Variants in KLHDC10 observed in about 807,000 individuals in gnomAD.
KLHDC10 encodes the protein kelch domain-containing protein 10.
KLHDC10 carries 24 observed loss-of-function variants against 56.1 expected under a neutral mutation model. The observed-to-expected ratio is 0.43, with a 90% CI of 0.31 to 0.60. KLHDC10 has a LOEUF of 0.60. Ranked by LOEUF, KLHDC10 falls within the 20% of genes least tolerant of loss-of-function variation. The pLI is 0.11. For missense variants in KLHDC10, 349 were observed against 567.0 expected (o/e 0.62, Z 3.91); for synonymous variants, 188 against 207.1 (o/e 0.91, Z 0.79).
At chr7:130,115,442 G>A (rs7805851) in intron 2 of KLHDC10, among the ~76,000 whole-genome samples, 24,375 of 151,766 alleles carry the variant, frequency 0.16, 2,333 homozygotes, top group East Asian at 0.31. Context: ...GAGACCGGGT[G>A]CAGTAGCTCG....
intron 1 of KLHDC10, among the ~76,000 whole-genome samples, chr7:130,086,423 A>G (rs1795690558): frequency 6.6e-6 from 1 of 152,222 alleles, no homozygotes; most frequent in Non-Finnish European, 1.5e-5. Context: ...GTAAAATCAA[A>G]TCGTATGCAA....
intron 3 of KLHDC10, among the ~76,000 whole-genome samples, chr7:130,119,628 G>T (rs1796220678): frequency 1.3e-5 from 2 of 150,622 alleles, no homozygotes; most frequent in South Asian, 4.2e-4. Context: ...TGGATCACCT[G>T]AGGTCAGGAG....
intron 1 of KLHDC10, among the ~76,000 whole-genome samples, chr7:130,094,386 T>G (rs1295760340): frequency 6.6e-6 from 1 of 152,222 alleles, no homozygotes; most frequent in African/African-American, 2.4e-5. Flanking sequence ...GGTATGTTTC[T>G]TTCCAGTATT....
intron 1 of KLHDC10, among the ~76,000 whole-genome samples, chr7:130,080,886 T>C (rs546241458): frequency 6.0e-4 from 92 of 152,360 alleles, no homozygotes; most frequent in African/African-American, 2.1e-3. Flanking sequence ...CATTATCATT[T>C]CTTATTTTGT....
At chr7:130,089,769 T>C (rs928715076) in intron 1 of KLHDC10, among the ~76,000 whole-genome samples, 1 of 152,230 alleles carries the variant, frequency 6.6e-6, no homozygotes, top group African/African-American at 2.4e-5. Context: ...ATTAATTTGC[T>C]TCTCTTTTGA....
chr7:130,129,320 C>T, intron 8 of KLHDC10, 117 bp from the exon 9 acceptor site: 1 of 1,143,960 alleles, frequency 8.7e-7, no homozygotes. Flanking sequence ...TCGTCTGTGT[C>T]ATGGGGCAAT....
chr7:130,103,001 A>C (rs1403244506), intron 2 of KLHDC10, among the ~76,000 whole-genome samples: 1 of 152,364 alleles, frequency 6.6e-6, no homozygotes, highest in East Asian at 1.9e-4. Flanking sequence ...TTTGCAGACT[A>C]TAAAGAAGAC....
At chr7:130,072,747 A>AATTTATTT (rs77300024) in intron 1 of KLHDC10, among the ~76,000 whole-genome samples, 30,436 of 148,396 alleles carry the variant, frequency 0.21, 4,103 homozygotes, top group Non-Finnish European at 0.31. Flanking sequence ...TTTTATTTTA[A>AATTTATTT]ATTTATTTAT....
At chr7:130,099,645 T>C (rs917156486) in intron 2 of KLHDC10, among the ~76,000 whole-genome samples, 2 of 152,090 alleles carry the variant, frequency 1.3e-5, no homozygotes, top group Admixed American at 6.6e-5. Flanking sequence ...CATGGTGTTT[T>C]TAGAGATGTA....
At chr7:130,108,144 G>A (rs1796041144) in intron 2 of KLHDC10, among the ~76,000 whole-genome samples, 1 of 151,204 alleles carries the variant, frequency 6.6e-6, no homozygotes, top group Admixed American at 6.6e-5. Flanking sequence ...TGGGAGAATC[G>A]CCTGAACCCG....
At chr7:130,087,871 C>T (rs922677130) in intron 1 of KLHDC10, among the ~76,000 whole-genome samples, 7 of 151,910 alleles carry the variant, frequency 4.6e-5, no homozygotes, top group Non-Finnish European at 7.4e-5. Flanking sequence ...AGCAATTCTC[C>T]TGCCTCAGCC....
intron 1 of KLHDC10, among the ~76,000 whole-genome samples, chr7:130,077,847 G>A (rs933725665): frequency 1.3e-5 from 2 of 151,806 alleles, no homozygotes; most frequent in Non-Finnish European, 1.5e-5. Context: ...GAGCCACCGC[G>A]CCCGGCCGGG....
intron 8 of KLHDC10, among the ~76,000 whole-genome samples, chr7:130,128,028 T>C (rs1027655711): frequency 2.6e-5 from 4 of 152,258 alleles, no homozygotes; most frequent in Non-Finnish European, 5.9e-5. Context: ...TCGTCTGATA[T>C]AGCTCTTAAA....
chr7:130,122,474 T>G (rs1430256681), intron 5 of KLHDC10, among the ~76,000 whole-genome samples: 1 of 152,202 alleles, frequency 6.6e-6, no homozygotes, highest in African/African-American at 2.4e-5. Flanking sequence ...TAGTAACACT[T>G]TGAAGAAGAA....
At position 130,073,036 on chromosome 7, in the gene KLHDC10, G is replaced by A. The variant is rs542263401; in HGVS notation, c.166+2227G>A. Among the ~76,000 whole-genome samples, 22 of 152,096 alleles carry A rather than the reference G, an allele frequency of 1.4e-4. No homozygotes were observed. The South Asian group carries it at 4.4e-3, about 30-fold the overall frequency. ...CTCCCAAAGTGCTGGGATTACAGGC[G>A]TGAGCCACCTCGCCCAGCCAAATTT... On this transcript the variant is annotated intron_variant, in intron 1 of 9. Coordinates refer to ENST00000335420, the MANE Select transcript of KLHDC10 (RefSeq NM_014997.4).
intron 2 of KLHDC10, among the ~76,000 whole-genome samples, chr7:130,115,045 C>T (rs1796148820): frequency 6.6e-6 from 1 of 151,118 alleles, no homozygotes; most frequent in Non-Finnish European, 1.5e-5. Flanking sequence ...TTGTTGCTCT[C>T]AATCTGTGCA....
At chr7:130,111,568 A>G (rs1307844190) in intron 2 of KLHDC10, among the ~76,000 whole-genome samples, 1 of 152,084 alleles carries the variant, frequency 6.6e-6, no homozygotes, top group African/African-American at 2.4e-5. Context: ...AGAAGTAGCT[A>G]GGTGTGGTGG....
intron 1 of KLHDC10, among the ~76,000 whole-genome samples, chr7:130,090,426 A>G (rs1795755027): frequency 6.6e-6 from 1 of 151,980 alleles, no homozygotes; most frequent in South Asian, 2.1e-4. Flanking sequence ...TATCTCTACA[A>G]AAAATACAAA....
chr7:130,091,014 A>AT (rs113843197), intron 1 of KLHDC10, among the ~76,000 whole-genome samples: 1,963 of 148,926 alleles, frequency 0.013, 36 homozygotes, highest in African/African-American at 0.046. Flanking sequence ...TTTTGACACT[A>AT]TTTTTTTTTT....
Sources: allele counts gnomAD v4.1 joint callset (sites outside exome capture counted in the v4.1 genomes callset), GRCh38; gene constraint gnomAD v4.1.1; transcripts MANE v1.5; gene names NCBI Gene and HGNC (gene_info 2026-07-23, HGNC 2026-07-21).